Variants in MARCHF3 observed in about 807,000 individuals in gnomAD.
The protein encoded by MARCHF3 is membrane associated ring-CH-type finger 3, also known as E3 ubiquitin-protein ligase MARCHF3.
In MARCHF3, 13 loss-of-function variants were observed where a neutral mutation model predicts 24.2. The ratio of observed to expected loss-of-function variants is 0.54; its 90% CI spans 0.35 to 0.85. MARCHF3 has a LOEUF of 0.85. MARCHF3 is among the 40% of genes least tolerant of loss of function. The pLI is 0.01. For synonymous variants in MARCHF3, 144 were observed against 137.3 expected, an observed-to-expected ratio of 1.05 and a Z score of -0.34; for missense variants, 276 against 325.0, an observed-to-expected ratio of 0.85 and a Z score of 1.16.
intron 1 of MARCHF3, among the ~76,000 whole-genome samples, chr5:126,921,926 G>A (rs1303282337): frequency 6.6e-6 from 1 of 152,220 alleles, no homozygotes; most frequent in Non-Finnish European, 1.5e-5. Context: ...ATAAATGAAA[G>A]CCTGATTAGG....
intron 1 of MARCHF3, among the ~76,000 whole-genome samples, chr5:126,992,939 T>C (rs1360785933): frequency 1.3e-5 from 2 of 151,946 alleles, no homozygotes; most frequent in Non-Finnish European, 2.9e-5. Flanking sequence ...GCCTGGCTAA[T>C]TTTTTTGTAT....
At chr5:126,956,663 A>AC (rs751516192) in intron 1 of MARCHF3, among the ~76,000 whole-genome samples, 1,704 of 146,902 alleles carry the variant, frequency 0.012, 50 homozygotes, top group South Asian at 0.07. Context: ...AAAAAAAAAA[A>AC]AAAAAAAACC....
At position 126,895,382 on chromosome 5, in the gene MARCHF3, C is replaced by T. The variant is rs559501110; in HGVS notation, c.394-16988G>A. The stretch of plus-strand genomic sequence containing the variant: ...CTGCGTTCCTTTGGAGGAGGAGAGG[C>T]GCTCTGCTTTTTTAGAGTTTCCAGT... On this transcript the variant is annotated intron_variant, in intron 3 of 4. Coordinates refer to ENST00000308660, the MANE Select transcript of MARCHF3 (RefSeq NM_178450.5). Among the ~76,000 whole-genome samples the T allele has an allele frequency of 2.1e-3, 314 of 152,218 alleles. 3 individuals carry two copies. The highest frequency in any genetic ancestry group is 6.2e-3 in the African/African-American group (256 of 41,518).
chr5:126,887,350 C>T (rs886612884), intron 3 of MARCHF3, among the ~76,000 whole-genome samples: 4 of 152,190 alleles, frequency 2.6e-5, no homozygotes, highest in Non-Finnish European at 4.4e-5. Flanking sequence ...GCAGTACCTG[C>T]GACTTTGTCA....
intron 3 of MARCHF3, among the ~76,000 whole-genome samples, chr5:126,907,279 A>G (rs9737892): frequency 0.062 from 8,785 of 142,768 alleles, 376 homozygotes; most frequent in Non-Finnish European, 0.091. Context: ...TGGTGCTGAA[A>G]AAAATGTATA....
chr5:126,909,552 C>G (rs116148238), intron 3 of MARCHF3, among the ~76,000 whole-genome samples: 3,099 of 152,304 alleles, frequency 0.02, 73 homozygotes, highest in South Asian at 0.12. Context: ...ATCGGAAAAT[C>G]GCAGTATTCG....
At chr5:126,979,785 C>G (rs1164046550) in intron 1 of MARCHF3, among the ~76,000 whole-genome samples, 1 of 151,784 alleles carries the variant, frequency 6.6e-6, no homozygotes, top group Non-Finnish European at 1.5e-5. Context: ...CCTGTCTCTA[C>G]TAAAAATACA....
At chr5:126,930,916 T>C (rs1262486819) in intron 1 of MARCHF3, among the ~76,000 whole-genome samples, 1 of 152,218 alleles carries the variant, frequency 6.6e-6, no homozygotes, top group Non-Finnish European at 1.5e-5. Flanking sequence ...ATCTGTCAGT[T>C]AGATATTAAA....
intron 1 of MARCHF3, among the ~76,000 whole-genome samples, chr5:126,921,905 G>T (rs901527742): frequency 6.6e-6 from 1 of 152,150 alleles, no homozygotes; most frequent in Non-Finnish European, 1.5e-5. Flanking sequence ...GAAAACAGAG[G>T]GGGTGGGCAA....
chr5:126,979,817 G>A (rs889970975), intron 1 of MARCHF3, among the ~76,000 whole-genome samples: 3 of 151,770 alleles, frequency 2.0e-5, no homozygotes, highest in Non-Finnish European at 2.9e-5. Flanking sequence ...GTTTGGTGGT[G>A]CATGCCTGTA....
rs551989490 is a variant in MARCHF3, at chr5:126,902,166, G to C, written c.393+12764C>G. The stretch of plus-strand genomic sequence containing the variant: ...ACCTGGCTGGATTTCCTCCCTATTT[G>C]AGAACACCTAGGGATGAATCAGTGA... On this transcript the variant is annotated intron_variant, in intron 3 of 4. Coordinates refer to ENST00000308660, the MANE Select transcript of MARCHF3 (RefSeq NM_178450.5). Among the ~76,000 whole-genome samples, 22 of 152,162 alleles carry C rather than the reference G, an allele frequency of 1.4e-4. No individual in the cohort carries two copies. In the South Asian group the frequency reaches 3.9e-3, roughly 27 times the overall value.
intron 4 of MARCHF3, 102 bp from the exon 5 acceptor site, chr5:126,870,893 C>G: frequency 6.8e-7 from 1 of 1,467,874 alleles, no homozygotes; most frequent in Non-Finnish European, 9.2e-7. Context: ...CTTCAAAGAG[C>G]TGGAAGCACT....
At chr5:126,970,101 T>A (rs1750955130) in intron 1 of MARCHF3, among the ~76,000 whole-genome samples, 1 of 143,168 alleles carries the variant, frequency 7.0e-6, no homozygotes, top group Non-Finnish European at 1.5e-5. Context: ...TTAATTTTTT[T>A]ATTTTTGAGA....
chr5:126,878,482 G>C, intron 3 of MARCHF3, 88 bp from the exon 4 acceptor site: 1 of 1,341,678 alleles, frequency 7.5e-7, no homozygotes, highest in South Asian at 1.3e-5. Flanking sequence ...AGTTATCTTT[G>C]CCTTCAGAAC....
rs1752863278 is a variant in MARCHF3 at position 126,868,967 on chromosome 5, A to AAG, written c.*1664_*1665dup. 1 of 152,312 alleles carries AAG rather than the reference A, an allele frequency of 6.6e-6. No homozygotes were observed. The highest frequency in any genetic ancestry group is 1.5e-5 in the Non-Finnish European group (1 of 68,128). 9.4% of individuals were successfully genotyped at this position (152,312 alleles called of 1,614,324 possible). ...GCTGAGACATATATTACTGGAATTG[A>AAG]AGTGTCCCAGTGAAGCGTGGTGGGG... On this transcript the variant is annotated 3_prime_UTR_variant, in exon 5 of 5. Coordinates refer to ENST00000308660, the MANE Select transcript of MARCHF3 (RefSeq NM_178450.5).
intron 1 of MARCHF3, among the ~76,000 whole-genome samples, chr5:126,999,463 A>C (rs78489188): frequency 0.02 from 3,093 of 152,198 alleles, 74 homozygotes; most frequent in South Asian, 0.11. Context: ...TCTAGACTTC[A>C]TCATTGTTCT....
intron 1 of MARCHF3, among the ~76,000 whole-genome samples, chr5:127,028,893 T>C (rs1426259034): frequency 6.6e-6 from 1 of 152,246 alleles, no homozygotes; most frequent in Non-Finnish European, 1.5e-5. Flanking sequence ...ATGTTGTTTC[T>C]GCTAAGAGTT....
chr5:126,899,089 A>G, intron 3 of MARCHF3: 2 of 985,332 alleles, frequency 2.0e-6, no homozygotes, highest in Non-Finnish European at 2.4e-6. Context: ...GTAATGATGG[A>G]TTGCAAAGAA....
chr5:126,915,639 C>A (rs1470810084), intron 2 of MARCHF3, among the ~76,000 whole-genome samples: 2 of 152,194 alleles, frequency 1.3e-5, no homozygotes, highest in Non-Finnish European at 2.9e-5. Flanking sequence ...CTACACAGAA[C>A]TGCAGTCTGA....
Sources: allele counts gnomAD v4.1 joint callset (sites outside exome capture counted in the v4.1 genomes callset), GRCh38; gene constraint gnomAD v4.1.1; transcripts MANE v1.5; gene names NCBI Gene and HGNC (gene_info 2026-07-23, HGNC 2026-07-21).